Variants in MARCHF1 observed in about 807,000 individuals in gnomAD.
The protein encoded by MARCHF1 is membrane associated ring-CH-type finger 1.
MARCHF1 carries 40 observed loss-of-function variants against 54.2 expected under a neutral mutation model. The ratio of observed to expected loss-of-function variants is 0.74; its 90% CI spans 0.57 to 0.96. The LOEUF (loss-of-function observed/expected upper bound fraction) is 0.96. Ranked by LOEUF, MARCHF1 falls within the 40% of genes least tolerant of loss-of-function variation. MARCHF1 has a pLI of 0.00. For missense variants in MARCHF1, 586 were observed against 656.5 expected (o/e 0.89, Z 1.17); for synonymous variants, 236 against 236.3 (o/e 1.00, Z 0.01).
chr4:164,125,959 C>T (rs578239460), intron 1 of MARCHF1, among the ~76,000 whole-genome samples: 7 of 152,268 alleles, frequency 4.6e-5, no homozygotes, highest in African/African-American at 1.4e-4. Context: ...GGGACTGGTC[C>T]CTGGTGTCAA....
chr4:164,128,819 G>T (rs1272523398), intron 1 of MARCHF1, among the ~76,000 whole-genome samples: 1 of 152,026 alleles, frequency 6.6e-6, no homozygotes. Flanking sequence ...ATTCTACTGG[G>T]CACCAAAAGC....
At chr4:163,908,538 T>A (rs912240559) in intron 3 of MARCHF1, among the ~76,000 whole-genome samples, 6 of 152,168 alleles carry the variant, frequency 3.9e-5, no homozygotes, top group Non-Finnish European at 8.8e-5. Context: ...TCTATGTAGA[T>A]ATATCCTGTA....
chr4:163,789,840 A>G (rs1747725272), intron 4 of MARCHF1, among the ~76,000 whole-genome samples: 1 of 152,056 alleles, frequency 6.6e-6, no homozygotes, highest in Non-Finnish European at 1.5e-5. Context: ...AATGTTTGAA[A>G]ATGCTCATCT....
intron 1 of MARCHF1, among the ~76,000 whole-genome samples, chr4:164,262,325 C>T (rs1057496560): frequency 6.6e-6 from 1 of 152,046 alleles, no homozygotes; most frequent in Admixed American, 6.6e-5. Context: ...TCCATCATTT[C>T]CCCACAACAC....
intron 3 of MARCHF1, among the ~76,000 whole-genome samples, chr4:163,938,336 T>C (rs1449468846): frequency 6.6e-6 from 1 of 152,176 alleles, no homozygotes; most frequent in African/African-American, 2.4e-5. Context: ...TACTATCTCC[T>C]CCCTGATGTA....
chr4:164,014,770 G>GA (rs941598154), intron 2 of MARCHF1, among the ~76,000 whole-genome samples: 1 of 151,844 alleles, frequency 6.6e-6, no homozygotes, highest in African/African-American at 2.4e-5. Flanking sequence ...CATATTTCAA[G>GA]AAAAAAACTG....
chr4:163,586,576 A>C (rs1483600896), intron 7 of MARCHF1, among the ~76,000 whole-genome samples: 1 of 152,234 alleles, frequency 6.6e-6, no homozygotes, highest in African/African-American at 2.4e-5. Flanking sequence ...GTTGTGCCTT[A>C]CACACCAGCA....
intron 5 of MARCHF1, among the ~76,000 whole-genome samples, chr4:163,627,224 C>T (rs188852623): frequency 6.6e-6 from 1 of 152,274 alleles, no homozygotes; most frequent in Non-Finnish European, 1.5e-5. Flanking sequence ...CATCTGAGAA[C>T]ATCTCTTGCA....
intron 2 of MARCHF1, among the ~76,000 whole-genome samples, chr4:164,099,521 G>A (rs978978655): frequency 6.6e-6 from 1 of 152,060 alleles, no homozygotes; most frequent in Non-Finnish European, 1.5e-5. Context: ...TCTCAGATAA[G>A]TATTACATAA....
chr4:163,532,134 C>A (rs926244296), intron 9 of MARCHF1, among the ~76,000 whole-genome samples: 1 of 151,750 alleles, frequency 6.6e-6, no homozygotes, highest in Non-Finnish European at 1.5e-5. Flanking sequence ...ACCAGAATAG[C>A]CAACACAATA....
At position 163,546,257 on chromosome 4, in the gene MARCHF1, C is replaced by A. The variant is rs138345422; in HGVS notation, c.1192-514G>T. Among the ~76,000 whole-genome samples the A allele has an allele frequency of 1.5e-3, 222 of 152,288 alleles. 1 individual carries two copies. The highest frequency in any genetic ancestry group is 5.1e-3 in the African/African-American group (213 of 41,568). ...CCTCCCAAAGTGCTGGGATTATAGG[C>A]ATGAGCCCCTGTGCCCGGCCTAACT... On this transcript the variant is annotated intron_variant, in intron 8 of 9. Transcript: ENST00000514618.
At chr4:164,047,781 G>A (rs1385254570) in intron 2 of MARCHF1, among the ~76,000 whole-genome samples, 1 of 152,026 alleles carries the variant, frequency 6.6e-6, no homozygotes, top group Non-Finnish European at 1.5e-5. Context: ...TGAGCATGTA[G>A]GCTTAAAGAA....
At chr4:163,583,002 A>G (rs1579083795) in intron 8 of MARCHF1, among the ~76,000 whole-genome samples, 1 of 152,194 alleles carries the variant, frequency 6.6e-6, no homozygotes, top group Admixed American at 6.5e-5. Context: ...AAGCCTATGC[A>G]TCATGGAGGG....
intron 3 of MARCHF1, among the ~76,000 whole-genome samples, chr4:163,871,292 A>G (rs1244788536): frequency 6.6e-6 from 1 of 152,186 alleles, no homozygotes; most frequent in African/African-American, 2.4e-5. Flanking sequence ...GAGTCAGCAC[A>G]AAACAGCATT....
At chr4:163,810,421 ACTT>A (rs1748352011) in intron 4 of MARCHF1, among the ~76,000 whole-genome samples, 2 of 152,180 alleles carry the variant, frequency 1.3e-5, no homozygotes, top group Non-Finnish European at 1.5e-5. Context: ...GCAAATACAA[ACTT>A]CTATCTAAAA....
chr4:163,935,785 A>C (rs537176180), intron 3 of MARCHF1, among the ~76,000 whole-genome samples: 1 of 147,876 alleles, frequency 6.8e-6, no homozygotes, highest in South Asian at 2.1e-4. Flanking sequence ...ATATGTATAC[A>C]TGTGCCATGC....
chr4:164,348,157 A>G (rs550838990), intron 1 of MARCHF1, among the ~76,000 whole-genome samples: 1 of 151,952 alleles, frequency 6.6e-6, no homozygotes, highest in Non-Finnish European at 1.5e-5. Context: ...CATGTTTCTC[A>G]ATAATTGGCA....
chr4:164,105,378 G>T (rs1169666690), intron 2 of MARCHF1, among the ~76,000 whole-genome samples: 3 of 151,088 alleles, frequency 2.0e-5, no homozygotes. Flanking sequence ...CTACAAGGCT[G>T]CAGTAACAAA....
intron 3 of MARCHF1, among the ~76,000 whole-genome samples, chr4:163,914,705 GTTTGTT>G (rs1470937621): frequency 1.3e-5 from 2 of 152,002 alleles, no homozygotes; most frequent in African/African-American, 2.4e-5. Flanking sequence ...TACTAGTAGT[GTTTGTT>G]TTTGTTTTTA....
Sources: allele counts gnomAD v4.1 joint callset (sites outside exome capture counted in the v4.1 genomes callset), GRCh38; gene constraint gnomAD v4.1.1; transcripts MANE v1.5; gene names NCBI Gene and HGNC (gene_info 2026-07-23, HGNC 2026-07-21).